Variants in DYSF observed in about 807,000 individuals in gnomAD.
DYSF encodes the protein dysferlin.
In DYSF, 212 loss-of-function variants were observed where a neutral mutation model predicts 274.9. That is an observed-to-expected ratio of 0.77 (90% CI 0.69 to 0.86). DYSF has a LOEUF of 0.86. DYSF is among the 40% of genes least tolerant of loss of function. DYSF has a pLI of 0.00. For missense variants in DYSF, 2,666 were observed against 2,783.2 expected (o/e 0.96, Z 0.95); for synonymous variants, 1,091 against 1,078.7 (o/e 1.01, Z -0.22).
At chr2:71,464,368 A>G (rs1470088978), upstream of DYSF, among the ~76,000 whole-genome samples, 5 of 152,262 alleles carry the variant, frequency 3.3e-5, no homozygotes, top group Admixed American at 6.5e-5. Flanking sequence ...ACAGAAAACA[A>G]TTAAGACACA....
In DYSF at chr2:71,554,021, T is replaced by G. The variant is rs527416767; in HGVS notation, c.2109+90T>G. On this transcript the variant is annotated intron_variant, in intron 21 of 55. Transcript: ENST00000410020. Reference sequence around the variant, plus strand: ...GGTGTCTCAGACCACCACCCACTGGTGCACACACTGACACACGGCTGTGCC... The same window carrying G: ...GGTGTCTCAGACCACCACCCACTGGGGCACACACTGACACACGGCTGTGCC... 51 of 1,584,984 alleles carry G rather than the reference T, an allele frequency of 3.2e-5. No individual in the cohort carries two copies. The East Asian group carries it at 8.3e-4, about 26-fold the overall frequency.
intron 22 of DYSF, among the ~76,000 whole-genome samples, chr2:71,560,595 C>G (rs138390008): frequency 1.2e-4 from 19 of 152,302 alleles, no homozygotes; most frequent in African/African-American, 4.3e-4. Context: ...ACTGCTCCCC[C>G]CATCCTAAAA....
At chr2:71,669,013 T>C in intron 49 of DYSF, 99 bp from the exon 50 acceptor site, 3 of 1,303,090 alleles carry the variant, frequency 2.3e-6, no homozygotes, top group Non-Finnish European at 3.3e-6. Flanking sequence ...AGGCATCGAG[T>C]CCTCTTGGAC....
At chr2:71,457,535 G>A (rs1230452336) in intron 1 of DYSF, among the ~76,000 whole-genome samples, 2 of 152,286 alleles carry the variant, frequency 1.3e-5, no homozygotes, top group East Asian at 3.9e-4. Flanking sequence ...AGACCCTGAT[G>A]CCCCCCTCGG....
chr2:71,652,450 GAAGA>G (rs2094682529), intron 42 of DYSF, among the ~76,000 whole-genome samples: 1 of 152,148 alleles, frequency 6.6e-6, no homozygotes, highest in South Asian at 2.1e-4. Flanking sequence ...AAATCTAGTG[GAAGA>G]AAGATTCACA....
Position 71,482,030 on chromosome 2 carries a change from T to C in DYSF, c.239+60T>C, listed in dbSNP as rs1325174797. On this transcript the variant is annotated intron_variant, in intron 3 of 55. Coordinates refer to ENST00000410020, the MANE Select transcript of DYSF (RefSeq NM_001130987.2). ...AAGGTGCAGGTAGGATTGTGGAGTATACAGACTGCAGAATCCCAGGCCCCA... is the reference window on the plus strand; with the variant it reads ...AAGGTGCAGGTAGGATTGTGGAGTACACAGACTGCAGAATCCCAGGCCCCA... The C allele has an allele frequency of 5.0e-6, 7 of 1,411,366 alleles. No homozygotes were observed. In the South Asian group the frequency reaches 5.8e-5, roughly 12 times the overall value. The allele number at this position is 1,411,366 out of a possible 1,614,324, so 87.4% of individuals were successfully genotyped here.
upstream of DYSF, among the ~76,000 whole-genome samples, chr2:71,462,752 C>T (rs913160533): frequency 2.1e-4 from 32 of 152,304 alleles, no homozygotes; most frequent in Admixed American, 1.9e-3. Context: ...TAGGGTAGCT[C>T]GTCACCGCAG....
intron 47 of DYSF, among the ~76,000 whole-genome samples, chr2:71,666,564 C>T (rs1035237145): frequency 6.6e-6 from 1 of 152,236 alleles, no homozygotes; most frequent in Non-Finnish European, 1.5e-5. Context: ...ACATAGTGGG[C>T]TCCAAGTTCA....
At chr2:71,680,612 C>G (rs7558038) in intron 53 of DYSF, among the ~76,000 whole-genome samples, 39,894 of 152,094 alleles carry the variant, frequency 0.26, 5,767 homozygotes, top group African/African-American at 0.37. Context: ...CCATCCCATA[C>G]AATGTTTGGC....
chr2:71,478,119 A>G (rs979262055), intron 1 of DYSF, among the ~76,000 whole-genome samples: 2 of 151,718 alleles, frequency 1.3e-5, no homozygotes, highest in Non-Finnish European at 1.5e-5. Context: ...AAAATTACTA[A>G]ATAATTATTT....
At chr2:71,466,194 G>A (rs1573275540), upstream of DYSF, among the ~76,000 whole-genome samples, 1 of 152,276 alleles carries the variant, frequency 6.6e-6, no homozygotes, top group East Asian at 1.9e-4. Context: ...CAGGTGGAGA[G>A]AGGCGAGAGG....
At chr2:71,610,470 G>A (rs993459811) in intron 36 of DYSF, among the ~76,000 whole-genome samples, 8 of 152,172 alleles carry the variant, frequency 5.3e-5, no homozygotes, top group African/African-American at 1.9e-4. Flanking sequence ...AACTATCTAA[G>A]GCAGTACCTG....
chr2:71,663,709 C>A (rs1309935812), intron 45 of DYSF, among the ~76,000 whole-genome samples: 1 of 152,204 alleles, frequency 6.6e-6, no homozygotes, highest in East Asian at 1.9e-4. Flanking sequence ...CCAGAGAAAT[C>A]TTTTCACAAA....
intron 3 of DYSF, among the ~76,000 whole-genome samples, chr2:71,494,750 A>T (rs1291837186): frequency 6.6e-6 from 1 of 152,218 alleles, no homozygotes; most frequent in Admixed American, 6.5e-5. Flanking sequence ...CTGGGTCATT[A>T]GGTTGGGTGT....
chr2:71,564,630 C>T (rs55788735), intron 24 of DYSF, among the ~76,000 whole-genome samples: 5,367 of 152,312 alleles, frequency 0.035, 142 homozygotes, highest in Non-Finnish European at 0.048. Context: ...GGAGCTGGAG[C>T]CACTCTGAGG....
rs2434045 is a variant in DYSF at position 71,635,777 on chromosome 2, G to A, written c.4528-8188G>A. Among the ~76,000 whole-genome samples the A allele has an allele frequency of 5.5e-3, 706 of 127,696 alleles. 33 individuals carry two copies. Among genetic ancestry groups the A allele is most frequent in the Admixed American group, 0.036 (379 of 10,674 alleles). The allele number at this position is 127,696 out of a possible 152,430, so 83.8% of individuals were successfully genotyped here. A position where few individuals can be genotyped will look rare whatever the true frequency, so the allele number is the denominator to read the frequency against. On this transcript the variant is annotated intron_variant, in intron 41 of 55. Coordinates refer to ENST00000410020, the MANE Select transcript of DYSF (RefSeq NM_001130987.2). Reference sequence around the variant, plus strand: ...AAAAAAAAAAAAAAGAAAGAAAAAAGAAAAAGAAAAAAGATGAAGGGCTCT... The same window carrying A: ...AAAAAAAAAAAAAAGAAAGAAAAAAAAAAAAGAAAAAAGATGAAGGGCTCT...
chr2:71,673,498 G>T (rs146813085), intron 51 of DYSF, among the ~76,000 whole-genome samples: 20 of 152,284 alleles, frequency 1.3e-4, no homozygotes, highest in African/African-American at 4.6e-4. Context: ...AGTGAAGTTG[G>T]GTGGGGTGGA....
rs1368093680 is a variant in DYSF at position 71,612,682 on chromosome 2, C to T, written c.4263C>T (p.Val1421=). 2 of 1,614,082 alleles carry T rather than the reference C, an allele frequency of 1.2e-6. No homozygotes were observed. Among genetic ancestry groups the T allele is most frequent in the Non-Finnish European group, 1.7e-6 (2 of 1,180,034 alleles). ...REELYCPPIT[V]KVIDNRQFGR... ...AGCTCTACTGCCCCCCCATCACCGTCAAGGTCATCGATAACCGCCAGTTTG... is the reference window on the plus strand; with the variant it reads ...AGCTCTACTGCCCCCCCATCACCGTTAAGGTCATCGATAACCGCCAGTTTG... The change falls in exon 39 of 56, where the codon GTC becomes GTT. Residue 1421 remains valine, a synonymous_variant. Coordinates refer to ENST00000410020, the MANE Select transcript of DYSF (RefSeq NM_001130987.2).
At chr2:71,624,233 C>G (rs1478626210) in intron 41 of DYSF, among the ~76,000 whole-genome samples, 1 of 152,120 alleles carries the variant, frequency 6.6e-6, no homozygotes, top group Non-Finnish European at 1.5e-5. Flanking sequence ...AGTGGGCATC[C>G]TAGAACAGCT....
Sources: gnomAD v4.1 joint callset for allele counts (sites outside exome capture counted in the v4.1 genomes callset) on GRCh38, gnomAD v4.1.1 for gene constraint, MANE v1.5 for transcripts, NCBI Gene and HGNC (gene_info 2026-07-23, HGNC 2026-07-21) for gene names.